The following MARCHF3 variants were observed in gnomAD, a reference collection of about 807,000 sequenced individuals.
MARCHF3 encodes E3 ubiquitin-protein ligase MARCHF3.
A neutral mutation model predicts 24.2 loss-of-function variants in MARCHF3; 13 were observed. The observed-to-expected ratio is 0.54, with a 90% CI of 0.35 to 0.85. MARCHF3 has a LOEUF of 0.85. Ranked by LOEUF, MARCHF3 falls within the 40% of genes least tolerant of loss-of-function variation. The pLI, the probability that MARCHF3 is intolerant of heterozygous loss-of-function variation, is 0.01. For missense variants in MARCHF3, 276 were observed against 325.0 expected, an observed-to-expected ratio of 0.85 and a Z score of 1.16; for synonymous variants, 144 against 137.3, an observed-to-expected ratio of 1.05 and a Z score of -0.34.
Position 126,869,583 on chromosome 5 carries a change from T to TC in MARCHF3, c.*1049_*1050insG, listed in dbSNP as rs1491326260. 75 of 8,314 alleles carry TC rather than the reference T, an allele frequency of 9.0e-3. No individual in the cohort carries two copies. Among genetic ancestry groups the TC allele is most frequent in the African/African-American group, 0.016 (73 of 4,468 alleles). The allele number at this position is 8,314 out of a possible 1,614,324, so 0.5% of individuals were successfully genotyped here. ...TAAGTGCAGGGCTGCTAGGACAGGCTTTTTTTTTTTTTTTTTTTTTTGCCA... is the reference window on the plus strand; with the variant it reads ...TAAGTGCAGGGCTGCTAGGACAGGCTCTTTTTTTTTTTTTTTTTTTTTGCCA... On this transcript the variant is annotated 3_prime_UTR_variant, in exon 5 of 5. Transcript: ENST00000308660.
intron 1 of MARCHF3, among the ~76,000 whole-genome samples, chr5:126,926,622 TTC>T (rs1349077178): frequency 6.6e-6 from 1 of 152,058 alleles, no homozygotes; most frequent in Non-Finnish European, 1.5e-5. Flanking sequence ...TCATGGCCTT[TTC>T]ACACATTTAG....
At chr5:126,914,880 A>G in intron 3 of MARCHF3, 50 bp downstream of exon 3, 1 of 1,588,224 alleles carries the variant, frequency 6.3e-7, no homozygotes, top group South Asian at 1.1e-5. Context: ...AAAAACAGAC[A>G]TCATTTGCTC....
At chr5:126,896,247 G>A (rs192687579) in intron 3 of MARCHF3, among the ~76,000 whole-genome samples, 1 of 152,260 alleles carries the variant, frequency 6.6e-6, no homozygotes, top group Non-Finnish European at 1.5e-5. Context: ...ACCTCAGATG[G>A]AAATGCAGAA....
chr5:126,941,971 C>G, intron 1 of MARCHF3, among the ~76,000 whole-genome samples: 1 of 152,308 alleles, frequency 6.6e-6, no homozygotes, highest in East Asian at 1.9e-4. Flanking sequence ...TGCTGAGACT[C>G]AAGGTTGCAA....
intron 3 of MARCHF3, among the ~76,000 whole-genome samples, chr5:126,910,383 CA>C (rs1160183068): frequency 6.6e-6 from 1 of 152,180 alleles, no homozygotes; most frequent in Non-Finnish European, 1.5e-5. Context: ...GCATTAATGG[CA>C]AAAGGCTGGA....
intron 1 of MARCHF3, among the ~76,000 whole-genome samples, chr5:127,000,611 G>C (rs565847813): frequency 1.3e-5 from 2 of 152,190 alleles, no homozygotes; most frequent in Non-Finnish European, 2.9e-5. Flanking sequence ...ATTACCAACA[G>C]GGCAGAATGA....
intron 1 of MARCHF3, among the ~76,000 whole-genome samples, chr5:126,940,013 C>T (rs561130946): frequency 2.0e-5 from 3 of 152,146 alleles, no homozygotes; most frequent in Non-Finnish European, 4.4e-5. Context: ...AGGGTCTAAA[C>T]AGTGAGATCA....
intron 3 of MARCHF3, among the ~76,000 whole-genome samples, chr5:126,912,154 G>A (rs61187459): frequency 0.014 from 2,066 of 152,306 alleles, 57 homozygotes; most frequent in African/African-American, 0.048. Flanking sequence ...AACAGCCCTG[G>A]GTTCCTGCCC....
intron 1 of MARCHF3, among the ~76,000 whole-genome samples, chr5:126,922,623 T>C (rs1749153797): frequency 6.6e-6 from 1 of 152,040 alleles, no homozygotes; most frequent in Non-Finnish European, 1.5e-5. Context: ...CTCCGCTCAC[T>C]GCAAGCTCCG....
At chr5:126,966,905 C>CTTTTTTTTTTTT (rs779454094) in intron 1 of MARCHF3, among the ~76,000 whole-genome samples, 2 of 4,496 alleles carry the variant, frequency 4.4e-4, no homozygotes, top group Non-Finnish European at 8.6e-4. Flanking sequence ...CTGTGAGAGC[C>CTTTTTTTTTTTT]TTTTTTTTTT....
chr5:127,027,500 A>G (rs1580506518), intron 1 of MARCHF3, among the ~76,000 whole-genome samples: 1 of 152,266 alleles, frequency 6.6e-6, no homozygotes, highest in Admixed American at 6.5e-5. Context: ...TGGCAAAGTC[A>G]CCCCAGAGCA....
intron 1 of MARCHF3, among the ~76,000 whole-genome samples, chr5:127,005,812 T>C (rs989030856): frequency 6.6e-6 from 1 of 152,140 alleles, no homozygotes; most frequent in South Asian, 2.1e-4. Context: ...TTTATGTACA[T>C]ACATGTAGAT....
chr5:127,001,618 AC>A (rs1258969153), intron 1 of MARCHF3, among the ~76,000 whole-genome samples: 7 of 152,162 alleles, frequency 4.6e-5, no homozygotes, highest in Admixed American at 1.3e-4. Flanking sequence ...TTTTACTGCC[AC>A]CTTGAAATCA....
At chr5:126,920,559 A>C (rs1233414675) in intron 1 of MARCHF3, among the ~76,000 whole-genome samples, 1 of 152,156 alleles carries the variant, frequency 6.6e-6, no homozygotes, top group African/African-American at 2.4e-5. Context: ...CGGGTTTTGC[A>C]TAACTCCAGC....
intron 3 of MARCHF3, among the ~76,000 whole-genome samples, chr5:126,910,323 A>T (rs983047513): frequency 5.9e-5 from 9 of 152,172 alleles, no homozygotes; most frequent in African/African-American, 1.9e-4. Flanking sequence ...CAAGCATGCT[A>T]TTTGCTTGTC....
intron 1 of MARCHF3, among the ~76,000 whole-genome samples, chr5:127,010,036 C>A (rs1752428533): frequency 6.6e-6 from 1 of 152,170 alleles, no homozygotes; most frequent in African/African-American, 2.4e-5. Flanking sequence ...AGAAGAGGAA[C>A]CTGGTGACTC....
intron 1 of MARCHF3, among the ~76,000 whole-genome samples, chr5:126,955,551 C>T (rs1295994418): frequency 6.6e-6 from 1 of 152,170 alleles, no homozygotes; most frequent in African/African-American, 2.4e-5. Context: ...AGCATTTCTC[C>T]TAATTGTTAG....
chr5:126,975,666 C>T (rs1184285211), intron 1 of MARCHF3, among the ~76,000 whole-genome samples: 1 of 152,162 alleles, frequency 6.6e-6, no homozygotes, highest in African/African-American at 2.4e-5. Context: ...GGAAGCCATT[C>T]TCCCAGGTAC....
intron 1 of MARCHF3, among the ~76,000 whole-genome samples, chr5:127,028,296 T>C (rs1753065698): frequency 6.6e-6 from 1 of 152,222 alleles, no homozygotes. Flanking sequence ...AGGAATTTAT[T>C]GTTTTTTAAA....
Sources: allele counts gnomAD v4.1 joint callset (sites outside exome capture counted in the v4.1 genomes callset), GRCh38; gene constraint gnomAD v4.1.1; transcripts MANE v1.5; gene names NCBI Gene and HGNC (gene_info 2026-07-23, HGNC 2026-07-21).